Variants in CFAP45 observed in about 807,000 individuals in gnomAD.
CFAP45 encodes cilia- and flagella-associated protein 45.
In CFAP45, 43 loss-of-function variants were observed where a neutral mutation model predicts 75.6. The observed-to-expected ratio is 0.57, with a 90% CI of 0.45 to 0.73. The LOEUF (loss-of-function observed/expected upper bound fraction) is 0.73. CFAP45 is among the 30% of genes least tolerant of loss of function. CFAP45 has a pLI of 0.00. For synonymous variants in CFAP45, 223 were observed against 244.6 expected, an observed-to-expected ratio of 0.91 and a Z score of 0.82; for missense variants, 689 against 701.5, an observed-to-expected ratio of 0.98 and a Z score of 0.20.
At chr1:159,873,277 A>G in intron 10 of CFAP45, 109 bp from the exon 11 acceptor site, 1 of 823,316 alleles carries the variant, frequency 1.2e-6, no homozygotes, top group Non-Finnish European at 1.9e-6. Context: ...TGCCTCAGAG[A>G]CCACAGCCCT....
At chr1:159,884,772 C>T (rs1649636505) in intron 6 of CFAP45, among the ~76,000 whole-genome samples, 1 of 152,272 alleles carries the variant, frequency 6.6e-6, no homozygotes, top group East Asian at 1.9e-4. Context: ...CTCCTGAGCT[C>T]CTGGTTCCAG....
rs1232060420 is a variant in CFAP45, at chr1:159,876,637, C to T, written c.1271G>A (p.Arg424Gln). The part of the protein sequence containing the change: ...METEAELRKS[R>Q]LEQVAFKEHA... ...CTCCTTGAAAGCCACCTGTTCGAGC[C>T]GACTTTTTCGCAGCTCAGCCTCTGT... Residue 424 changes from arginine (R) to glutamine (Q), a missense_variant, in exon 10 of 12, where the codon CGG becomes CAG. Transcript: ENST00000368099. 2.5e-6 allele frequency: 4 copies of T among 1,614,068 alleles called. No homozygotes were observed. Among genetic ancestry groups the T allele is most frequent in the Non-Finnish European group, 2.5e-6 (3 of 1,180,022 alleles).
chr1:159,882,936 T>G (rs1234639152), intron 7 of CFAP45, among the ~76,000 whole-genome samples: 1 of 152,216 alleles, frequency 6.6e-6, no homozygotes, highest in African/African-American at 2.4e-5. Context: ...TCTCATGCAG[T>G]TCACAGAGCT....
chr1:159,873,017 G>T lies in CFAP45; in HGVS notation c.1504C>A (p.Arg502Ser). The T allele has an allele frequency of 6.2e-7, 1 of 1,614,212 alleles. No individual in the cohort carries two copies. The highest frequency in any genetic ancestry group is 8.5e-7 in the Non-Finnish European group (1 of 1,180,036). Reference sequence around the variant, plus strand: ...CGTTTCTGGGCCTCCTCTTTGAGGCGCCGGCCCTCCTCAAAGGTGGCAATC... The same window carrying T: ...CGTTTCTGGGCCTCCTCTTTGAGGCTCCGGCCCTCCTCAAAGGTGGCAATC... ...NRIATFEEGR[R>S]LKEEAQKRRE... Residue 502 changes from arginine (R) to serine (S), a missense_variant, in exon 11 of 12, where the codon CGC becomes AGC. Physicochemically the swap from Arg to Ser is moderately radical, Grantham distance 110. Coordinates refer to ENST00000368099, the MANE Select transcript of CFAP45 (RefSeq NM_012337.3).
intron 6 of CFAP45, among the ~76,000 whole-genome samples, chr1:159,885,272 T>G (rs1020449975): frequency 6.6e-6 from 1 of 152,196 alleles, no homozygotes; most frequent in African/African-American, 2.4e-5. Flanking sequence ...AGACAGAGTT[T>G]TCCTTTGCTG....
chr1:159,878,815 TCTGTGAAGC>T (rs1389660478), intron 8 of CFAP45, among the ~76,000 whole-genome samples: 1 of 139,482 alleles, frequency 7.2e-6, no homozygotes, highest in Non-Finnish European at 1.5e-5. Flanking sequence ...TGCCCAGACT[TCTGTGAAGC>T]CCAGTGAGTT....
At chr1:159,898,040 GAT>G (rs1232714374) in intron 1 of CFAP45, 25 of 881,182 alleles carry the variant, frequency 2.8e-5, no homozygotes, top group Non-Finnish European at 3.3e-5. Flanking sequence ...GTTCAGGAAA[GAT>G]ATGTCTTTTC....
chr1:159,894,030 T>C (rs1156530043), intron 1 of CFAP45, among the ~76,000 whole-genome samples: 2 of 152,174 alleles, frequency 1.3e-5, no homozygotes, highest in Admixed American at 6.5e-5. Context: ...ATATGCTAAC[T>C]ACCCTGATTC....
chr1:159,886,270 G>A (rs1265144598), intron 6 of CFAP45, among the ~76,000 whole-genome samples: 2 of 152,118 alleles, frequency 1.3e-5, no homozygotes, highest in East Asian at 3.9e-4. Flanking sequence ...AACCCGGGAG[G>A]TGGAGGTTAC....
rs1253484825 is a variant in CFAP45 at position 159,890,704 on chromosome 1, G to A, written c.130-82C>T. The A allele has an allele frequency of 2.7e-5, 33 of 1,224,374 alleles. No individual in the cohort carries two copies. The East Asian group carries it at 5.2e-4, about 19-fold the overall frequency. 75.8% of individuals were successfully genotyped at this position (1,224,374 alleles called of 1,614,324 possible). A position where few individuals can be genotyped will look rare whatever the true frequency, so the allele number is the denominator to read the frequency against. ...GTCCTAACTTCAAGGATAGAGCAGC[G>A]TGATGCCCTGTATCTGAGCATGGCT... On this transcript the variant is annotated intron_variant, in intron 2 of 11. Transcript: ENST00000368099.
Position 159,884,366 on chromosome 1 carries a change from A to C in CFAP45, c.897+70T>G, listed in dbSNP as rs79320837. The C allele has an allele frequency of 4.9e-4, 729 of 1,491,768 alleles. 4 individuals are homozygous for C. The African/African-American group carries it at 9.2e-3, about 19-fold the overall frequency. The allele number at this position is 1,491,768 out of a possible 1,614,324, so 92.4% of individuals were successfully genotyped here. The stretch of plus-strand genomic sequence containing the variant: ...GGCAGAAAATCAGTCAACACCCTGA[A>C]ACCCCAGAGTCTTGAAGGGTTTTGA... On this transcript the variant is annotated intron_variant, in intron 7 of 11. Coordinates refer to ENST00000368099, the MANE Select transcript of CFAP45 (RefSeq NM_012337.3).
chr1:159,884,597 A>G lies in CFAP45; in HGVS notation c.768-32T>C, dbSNP rs186196147. The G allele has an allele frequency of 4.8e-4, 776 of 1,605,818 alleles. 11 individuals are homozygous for G. The East Asian group carries it at 0.014, about 30-fold the overall frequency. ...GAGAACAGTGCCACAGTGTCTTAGAAACCCCGGGTCCACATCTCCCAGAGT... is the reference window on the plus strand; with the variant it reads ...GAGAACAGTGCCACAGTGTCTTAGAGACCCCGGGTCCACATCTCCCAGAGT... On this transcript the variant is annotated intron_variant, in intron 6 of 11. Transcript: ENST00000368099.
chr1:159,889,407 G>T (rs1211661669), intron 3 of CFAP45, among the ~76,000 whole-genome samples: 1 of 152,186 alleles, frequency 6.6e-6, no homozygotes, highest in Non-Finnish European at 1.5e-5. Context: ...ATGTGTGTGT[G>T]TTGGGGGAGG....
At chr1:159,899,750 AGCCACCGC>A (rs1650030820) in intron 1 of CFAP45, among the ~76,000 whole-genome samples, 1 of 151,864 alleles carries the variant, frequency 6.6e-6, no homozygotes, top group Admixed American at 6.6e-5. Context: ...TACAGGCGTA[AGCCACCGC>A]GCCCGGCCCA....
At position 159,877,434 on chromosome 1, in the gene CFAP45, T is replaced by C. The variant is rs1649429489; in HGVS notation, c.1073A>G (p.Gln358Arg). The C allele has an allele frequency of 1.9e-6, 3 of 1,614,116 alleles. No homozygotes were observed. The highest frequency in any genetic ancestry group is 2.5e-6 in the Non-Finnish European group (3 of 1,179,946). The change falls in exon 9 of 12, where the codon CAG (glutamine) becomes CGG (arginine). Residue 358 changes from glutamine to arginine, a missense_variant. Transcript: ENST00000368099. ...CTCTTTCTCCCTCCGGATTCTCTCC[T>C]GCTCAGCCTCAAACTCTGCTTCTCG... ...MAREAEFEAEQERIRREKEKE... is the reference protein window; with the variant it reads ...MAREAEFEAERERIRREKEKE...
At chr1:159,877,640 G>A (rs1204332490) in intron 8 of CFAP45, among the ~76,000 whole-genome samples, 178 bp from the exon 9 acceptor site, 1 of 152,166 alleles carries the variant, frequency 6.6e-6, no homozygotes, top group Non-Finnish European at 1.5e-5. Flanking sequence ...ACTTTGGGAG[G>A]TTGAGGCAGG....
At chr1:159,880,831 C>A in intron 7 of CFAP45, 131 bp from the exon 8 acceptor site, 1 of 776,572 alleles carries the variant, frequency 1.3e-6, no homozygotes, top group Non-Finnish European at 2.0e-6. Context: ...CCACAACTAT[C>A]CTTTGTTAAA....
chr1:159,876,061 T>TC (rs1368905467), intron 10 of CFAP45, among the ~76,000 whole-genome samples: 1 of 152,208 alleles, frequency 6.6e-6, no homozygotes, highest in African/African-American at 2.4e-5. Flanking sequence ...GCTAATGTCC[T>TC]CCATGGCATC....
chr1:159,890,932 T>C (rs1649816022), intron 2 of CFAP45, among the ~76,000 whole-genome samples: 2 of 152,104 alleles, frequency 1.3e-5, no homozygotes, highest in South Asian at 2.1e-4. Flanking sequence ...CTAATTTTTG[T>C]ATTTTTAGTA....
Sources: gnomAD v4.1 joint callset for allele counts (sites outside exome capture counted in the v4.1 genomes callset) on GRCh38, gnomAD v4.1.1 for gene constraint, MANE v1.5 for transcripts, NCBI Gene and HGNC (gene_info 2026-07-23, HGNC 2026-07-21) for gene names.